Variants in TRRAP observed in about 807,000 individuals in gnomAD.
TRRAP encodes the protein transformation/transcription domain associated protein.
Under a neutral mutation model 438.8 loss-of-function variants are expected in TRRAP, and 41 were observed. The observed-to-expected ratio is 0.09, with a 90% CI of 0.07 to 0.12. The LOEUF is 0.12. TRRAP is among the 10% of genes least tolerant of loss of function. TRRAP has a pLI of 1.00. For synonymous variants in TRRAP, 1,994 were observed against 1,962.9 expected, an observed-to-expected ratio of 1.02 and a Z score of -0.42; for missense variants, 3,122 against 5,055.1, an observed-to-expected ratio of 0.62 and a Z score of 11.60.
intron 51 of TRRAP, among the ~76,000 whole-genome samples, chr7:98,968,836 A>G (rs935221008): frequency 6.6e-6 from 1 of 152,208 alleles, no homozygotes; most frequent in Non-Finnish European, 1.5e-5. Context: ...GCCTATGGCC[A>G]CACCTGGGCA....
At chr7:98,893,370 C>T (rs1461983585) in intron 5 of TRRAP, among the ~76,000 whole-genome samples, 1 of 152,198 alleles carries the variant, frequency 6.6e-6, no homozygotes, top group Admixed American at 6.5e-5. Flanking sequence ...AGTGCTTAAC[C>T]CCTGAGATAT....
In TRRAP at chr7:98,910,046, T is replaced by G; in HGVS notation, c.1351-10T>G. On this transcript the variant is annotated splice_polypyrimidine_tract_variant and intron_variant, in intron 14 of 72. Coordinates refer to ENST00000456197, the MANE Select transcript of TRRAP (RefSeq NM_001375524.1). ...TTCTGTCTTCCCTCTTGAATTTCTCTTCCCGTTAGGTTTTCGTTCTCAAAT... is the reference window on the plus strand; with the variant it reads ...TTCTGTCTTCCCTCTTGAATTTCTCGTCCCGTTAGGTTTTCGTTCTCAAAT... 1 of 1,536,600 alleles carries G rather than the reference T, an allele frequency of 6.5e-7. No homozygotes were observed. The highest frequency in any genetic ancestry group is 8.8e-7 in the Non-Finnish European group (1 of 1,140,682).
Position 99,011,429 on chromosome 7 carries a change from G to T in TRRAP, c.11231G>T (p.Arg3744Leu), listed in dbSNP as rs1421670736. Residue 3744 changes from arginine to leucine, a missense_variant, in exon 72 of 73, where the codon CGA becomes CTA. Transcript: ENST00000456197. The surrounding 1 kb of genome is among the most constrained non-coding windows in gnomAD (Gnocchi z 7.1). ...GATGCCAACCGTCCTGTCCCATTTC[G>T]ACTCACGCCCAACATTTCTGAGTTT... is the stretch of plus-strand genomic sequence containing the variant. ...DLDANRPVPF[R>L]LTPNISEFLT... 1 of 1,614,200 alleles carries T rather than the reference G, an allele frequency of 6.2e-7. No individual in the cohort carries two copies. The highest frequency in any genetic ancestry group is 1.3e-5 in the African/African-American group (1 of 75,042).
At position 98,899,419 on chromosome 7, in the gene TRRAP, C is replaced by T. The variant is rs113339948; in HGVS notation, c.634-3C>T. The T allele has an allele frequency of 2.8e-4, 447 of 1,613,986 alleles. No individual in the cohort carries two copies. The highest frequency in any genetic ancestry group is 4.9e-4 in the Middle Eastern group (3 of 6,084). On this transcript the variant is annotated splice_polypyrimidine_tract_variant and splice_region_variant and intron_variant, in intron 8 of 72. Transcript: ENST00000456197. ...CCGGGTCCTACCCATTTCTGTCTTC[C>T]AGCATTCCATCATTCCGAGGGGATC...
intron 60 of TRRAP, 165 bp downstream of exon 60, chr7:98,983,624 A>G: frequency 1.4e-6 from 1 of 723,114 alleles, no homozygotes; most frequent in Non-Finnish European, 2.2e-6. Context: ...TGGTACAGGG[A>G]AAGATGAAGG....
At chr7:98,885,638 T>C (rs1368337388) in intron 3 of TRRAP, among the ~76,000 whole-genome samples, 1 of 152,070 alleles carries the variant, frequency 6.6e-6, no homozygotes, top group East Asian at 1.9e-4. Context: ...CTTTCTCTTC[T>C]GCTCAAGCTG....
chr7:98,904,076 C>T (rs78368886), intron 12 of TRRAP, among the ~76,000 whole-genome samples: 1 of 152,116 alleles, frequency 6.6e-6, no homozygotes, highest in Non-Finnish European at 1.5e-5. Flanking sequence ...TTCCAAAGTG[C>T]TGGGACTACT....
intron 23 of TRRAP, among the ~76,000 whole-genome samples, chr7:98,928,711 T>C (rs2116502088): frequency 6.6e-6 from 1 of 152,286 alleles, no homozygotes; most frequent in East Asian, 1.9e-4. Flanking sequence ...CCTTGGCCTA[T>C]TTAATAATTT....
At chr7:98,906,324 T>TA in intron 13 of TRRAP, 69 bp downstream of exon 13, 1 of 1,307,300 alleles carries the variant, frequency 7.6e-7, no homozygotes, top group Non-Finnish European at 1.1e-6. Flanking sequence ...CACTTCATGT[T>TA]ACAAGTGTTT....
rs1796793273 is a variant in TRRAP, at chr7:98,906,929, G to A, written c.1115+674G>A. 2.0e-5 allele frequency among the ~76,000 whole-genome samples: 3 copies of A among 151,734 alleles called. No individual in the cohort carries two copies. The South Asian group carries it at 6.2e-4, about 32-fold the overall frequency. Reference sequence around the variant, plus strand: ...TTATAACCTACCAGGAAGATAGAAGGGAAGAAAACCTTCTGGTCCTGCACA... The same window carrying A: ...TTATAACCTACCAGGAAGATAGAAGAGAAGAAAACCTTCTGGTCCTGCACA... On this transcript the variant is annotated intron_variant, in intron 13 of 72. Transcript: ENST00000456197.
At chr7:98,888,036 T>C (rs1241052118) in intron 3 of TRRAP, among the ~76,000 whole-genome samples, 1 of 151,818 alleles carries the variant, frequency 6.6e-6, no homozygotes. Context: ...CGAGACCATC[T>C]TGGCTAACAC....
intron 28 of TRRAP, among the ~76,000 whole-genome samples, chr7:98,935,982 G>A (rs781693052): frequency 6.6e-6 from 1 of 152,216 alleles, no homozygotes; most frequent in South Asian, 2.1e-4. Flanking sequence ...GAATCAGAGT[G>A]TATATATAGT....
chr7:98,904,483 CAAAAAAAAAAAAAA>C (rs59353514), intron 12 of TRRAP, among the ~76,000 whole-genome samples: 7 of 45,562 alleles, frequency 1.5e-4, no homozygotes, highest in Admixed American at 4.7e-4. Context: ...GACTCTGTCT[CAAAAAAAAAAAAAA>C]AAAAAAAAAA....
At position 98,948,516 on chromosome 7, in the gene TRRAP, G is replaced by C. The variant is rs782597999; in HGVS notation, c.4669-50G>C. On this transcript the variant is annotated intron_variant, in intron 34 of 72. Transcript: ENST00000456197. This position sits in a 1 kb window ranked among gnomAD's most constrained non-coding sequence, Gnocchi z 4.9. ...GACCTTGTTAGGTAGACAGCCTCAA[G>C]CTCTGAGAAGAGGAAGTTGTGAGAT... is the stretch of plus-strand genomic sequence containing the variant. 1.2e-6 allele frequency: 2 copies of C among 1,613,902 alleles called. No individual in the cohort carries two copies. Among genetic ancestry groups the C allele is most frequent in the Non-Finnish European group, 1.7e-6 (2 of 1,180,024 alleles).
At chr7:98,907,318 T>C (rs1796820762) in intron 13 of TRRAP, among the ~76,000 whole-genome samples, 1 of 151,524 alleles carries the variant, frequency 6.6e-6, no homozygotes, top group Non-Finnish European at 1.5e-5. Context: ...AGTGAAACTC[T>C]GTCTCAAAAA....
intron 7 of TRRAP, among the ~76,000 whole-genome samples, chr7:98,897,326 C>T (rs1441266148): frequency 3.3e-5 from 5 of 152,176 alleles, no homozygotes; most frequent in Non-Finnish European, 7.3e-5. Flanking sequence ...ACTGCCAGCT[C>T]GTAGTTTCTT....
At chr7:98,958,256 A>G (rs1791719184) in intron 44 of TRRAP, among the ~76,000 whole-genome samples, 165 bp downstream of exon 44, 1 of 152,086 alleles carries the variant, frequency 6.6e-6, no homozygotes, top group Admixed American at 6.5e-5. Flanking sequence ...ATTTTGTGGC[A>G]GGTTAACATT....
intron 14 of TRRAP, among the ~76,000 whole-genome samples, chr7:98,909,787 C>A (rs557641853): frequency 3.4e-5 from 1 of 29,150 alleles, no homozygotes; most frequent in East Asian, 4.7e-4. Context: ...GGGAGTAAAT[C>A]GGCACCTTTT....
intron 3 of TRRAP, among the ~76,000 whole-genome samples, chr7:98,886,489 T>C (rs1389233572): frequency 2.6e-5 from 4 of 151,914 alleles, no homozygotes; most frequent in African/African-American, 9.7e-5. Context: ...GATATAGATA[T>C]CTAGAGAGAT....
Sources: gnomAD v4.1 joint callset for allele counts (sites outside exome capture counted in the v4.1 genomes callset) on GRCh38, gnomAD v4.1.1 for gene constraint, Gnocchi (gnomAD v3.1) non-coding constraint, MANE v1.5 for transcripts, NCBI Gene and HGNC (gene_info 2026-07-23, HGNC 2026-07-21) for gene names.